The following MITF variants were observed in gnomAD, a reference collection of about 807,000 sequenced individuals.
The protein encoded by MITF is melanocyte inducing transcription factor.
In MITF, 17 loss-of-function variants were observed where a neutral mutation model predicts 60.5. That is an observed-to-expected ratio of 0.28 (90% CI 0.19 to 0.42). MITF has a LOEUF of 0.42. Ranked by LOEUF, MITF falls within the 10% of genes least tolerant of loss-of-function variation. The pLI, the probability that MITF is intolerant of heterozygous loss-of-function variation, is 1.00. For synonymous variants in MITF, 260 were observed against 248.5 expected, an observed-to-expected ratio of 1.05 and a Z score of -0.43; for missense variants, 622 against 683.5, an observed-to-expected ratio of 0.91 and a Z score of 1.00.
intron 1 of MITF, among the ~76,000 whole-genome samples, chr3:69,803,685 G>T (rs868846818): frequency 5.9e-5 from 9 of 152,268 alleles, no homozygotes; most frequent in Middle Eastern, 3.4e-3. Context: ...GCACATGTGT[G>T]TGCACACACA....
intron 1 of MITF, among the ~76,000 whole-genome samples, chr3:69,857,047 T>C (rs1401097991): frequency 6.6e-6 from 1 of 152,118 alleles, no homozygotes; most frequent in Middle Eastern, 3.2e-3. Context: ...TGGTGAATAG[T>C]TATTGAGTGC....
chr3:69,885,612 C>T (rs963133637), intron 2 of MITF, among the ~76,000 whole-genome samples: 4 of 152,000 alleles, frequency 2.6e-5, no homozygotes, highest in African/African-American at 9.7e-5. Flanking sequence ...TTCTAAACCT[C>T]CAAAGTCCCA....
At chr3:69,807,640 G>A (rs2063031205) in intron 1 of MITF, among the ~76,000 whole-genome samples, 1 of 152,172 alleles carries the variant, frequency 6.6e-6, no homozygotes, top group Non-Finnish European at 1.5e-5. Flanking sequence ...AGTTATTAAG[G>A]CAAAACACTT....
In MITF at chr3:69,781,376, C is replaced by A. The variant is rs374053803; in HGVS notation, c.104+41675C>A. Among the ~76,000 whole-genome samples the A allele has an allele frequency of 6.8e-4, 104 of 152,168 alleles. 1 individual carries two copies. Among genetic ancestry groups the A allele is most frequent in the African/African-American group, 2.3e-3 (97 of 41,502 alleles). On this transcript the variant is annotated intron_variant, in intron 1 of 9. Transcript: ENST00000352241. ...CCTGAATACATGCAACTAAAATGTA[C>A]TTTATCATGGCGCTTTTTGTTCTCC...
chr3:69,755,523 G>T (rs4444713), intron 1 of MITF, among the ~76,000 whole-genome samples: 138,750 of 138,752 alleles, frequency 1, 69,374 homozygotes, highest in Middle Eastern at 1. Context: ...GTTTTCAAGG[G>T]TTTTTTCTTT....
At chr3:69,799,990 A>G (rs2062891647) in intron 1 of MITF, among the ~76,000 whole-genome samples, 1 of 152,250 alleles carries the variant, frequency 6.6e-6, no homozygotes, top group Admixed American at 6.5e-5. Flanking sequence ...TTATCATTTT[A>G]ACATGTACAC....
chr3:69,785,885 A>T (rs1308278826), intron 1 of MITF, among the ~76,000 whole-genome samples: 1 of 152,152 alleles, frequency 6.6e-6, no homozygotes, highest in East Asian at 1.9e-4. Context: ...ATCCAGGGTG[A>T]TCTGTACCGT....
chr3:69,843,713 C>T (rs2063680132), intron 1 of MITF, among the ~76,000 whole-genome samples: 1 of 152,110 alleles, frequency 6.6e-6, no homozygotes, highest in South Asian at 2.1e-4. Context: ...TGGCCACAGA[C>T]ATATTTTCTT....
intron 2 of MITF, among the ~76,000 whole-genome samples, chr3:69,884,253 T>A (rs189437890): frequency 1.3e-5 from 2 of 152,154 alleles, no homozygotes; most frequent in African/African-American, 4.8e-5. Context: ...GTTAACAGTT[T>A]AGGATGCAGC....
intron 1 of MITF, among the ~76,000 whole-genome samples, chr3:69,754,956 G>A (rs1333880678): frequency 1.3e-5 from 2 of 152,106 alleles, no homozygotes; most frequent in African/African-American, 2.4e-5. Flanking sequence ...ACAGTGGGGA[G>A]GAGGAGGCTA....
chr3:69,943,221 G>T (rs566455089), intron 5 of MITF, among the ~76,000 whole-genome samples: 3 of 151,476 alleles, frequency 2.0e-5, no homozygotes, highest in Non-Finnish European at 4.4e-5. Flanking sequence ...CTTGCATCTC[G>T]TTAGTATTCT....
intron 1 of MITF, among the ~76,000 whole-genome samples, chr3:69,741,926 T>C (rs1703543067): frequency 6.6e-6 from 1 of 152,194 alleles, no homozygotes; most frequent in Admixed American, 6.5e-5. Context: ...TACAAGTCTT[T>C]GTCGGAAAAA....
chr3:69,893,645 A>G (rs1315054162), intron 2 of MITF, among the ~76,000 whole-genome samples: 1 of 152,222 alleles, frequency 6.6e-6, no homozygotes, highest in African/African-American at 2.4e-5. Context: ...ATGCTTTGGT[A>G]AAAGATTAGG....
At chr3:69,837,299 G>A (rs1449382305) in intron 1 of MITF, among the ~76,000 whole-genome samples, 2 of 152,202 alleles carry the variant, frequency 1.3e-5, no homozygotes, top group Non-Finnish European at 2.9e-5. Context: ...GATAATACGT[G>A]TCCACTTGAC....
chr3:69,850,380 G>C (rs926660115), intron 1 of MITF, among the ~76,000 whole-genome samples: 1 of 152,116 alleles, frequency 6.6e-6, no homozygotes, highest in African/African-American at 2.4e-5. Context: ...ATTGGTAAAA[G>C]GGATACTAAA....
chr3:69,864,094 T>C (rs1030185681), intron 1 of MITF, among the ~76,000 whole-genome samples: 1 of 152,260 alleles, frequency 6.6e-6, no homozygotes, highest in Non-Finnish European at 1.5e-5. Flanking sequence ...GAGACAATGC[T>C]GAACACATTA....
chr3:69,886,774 G>A, intron 2 of MITF, among the ~76,000 whole-genome samples: 1 of 151,900 alleles, frequency 6.6e-6, no homozygotes, highest in Non-Finnish European at 1.5e-5. Context: ...TGACCCCCGT[G>A]GTAATTTATG....
chr3:69,893,091 A>G (rs17006587), intron 2 of MITF, among the ~76,000 whole-genome samples: 2,652 of 152,246 alleles, frequency 0.017, 36 homozygotes, highest in Middle Eastern at 0.048. Context: ...GCTCATATAT[A>G]GCCATGAAGT....
chr3:69,821,440 A>G (rs1444629764), intron 1 of MITF, among the ~76,000 whole-genome samples: 1 of 152,128 alleles, frequency 6.6e-6, no homozygotes, highest in African/African-American at 2.4e-5. Flanking sequence ...GAAACTTAAA[A>G]TCTAATTGGT....
Sources: gnomAD v4.1 joint callset for allele counts (sites outside exome capture counted in the v4.1 genomes callset) on GRCh38, gnomAD v4.1.1 for gene constraint, MANE v1.5 for transcripts, NCBI Gene and HGNC (gene_info 2026-07-23, HGNC 2026-07-21) for gene names.